DMBT1: variants seen among roughly 807,000 people sequenced by gnomAD.
DMBT1 encodes the protein scavenger receptor cysteine-rich domain-containing protein DMBT1.
Under a neutral mutation model 252.9 loss-of-function variants are expected in DMBT1, and 198 were observed. The observed-to-expected ratio is 0.78, with a 90% CI of 0.70 to 0.88. DMBT1 has a LOEUF of 0.88. Ranked by LOEUF, DMBT1 falls within the 40% of genes least tolerant of loss-of-function variation. The probability of loss-of-function intolerance (pLI) is 0.00; values close to 1 mark genes in which losing one functional copy is unlikely to be tolerated. For synonymous variants in DMBT1, 990 were observed against 942.7 expected (o/e 1.05, Z -0.92); for missense variants, 2,432 against 2,404.7 (o/e 1.01, Z -0.24).
chr10:122,579,534 C>A, intron 9 of DMBT1, 44 bp from the exon 10 acceptor site: 4 of 1,611,878 alleles, frequency 2.5e-6, no homozygotes, highest in Non-Finnish European at 3.4e-6. Context: ...AGATTCTTGA[C>A]CTCATGATAG....
At chr10:122,598,648 C>A in intron 25 of DMBT1, 126 bp from the exon 26 acceptor site, 7 of 1,543,290 alleles carry the variant, frequency 4.5e-6, no homozygotes, top group Non-Finnish European at 5.2e-6. Context: ...TGATTTTATT[C>A]ATATTCAAAG....
chr10:122,633,209 G>T lies in DMBT1; in HGVS notation c.6416G>T (p.Gly2139Val). ...TRPNTDYSCGGFLSQPSGDFS... is the reference protein window; with the variant it reads ...TRPNTDYSCGVFLSQPSGDFS... ...CTGACAGCAGATTATTCCTGCGGAGGCTTCCTATCCCAACCATCAGGGGAC... is the reference window on the plus strand; with the variant it reads ...CTGACAGCAGATTATTCCTGCGGAGTCTTCCTATCCCAACCATCAGGGGAC... The change falls in exon 52 of 56, where the codon GGC (glycine) becomes GTC (valine). Residue 2139 changes from glycine (G) to valine (V), a missense_variant. Transcript: ENST00000338354. 1 of 1,613,982 alleles carries T rather than the reference G, an allele frequency of 6.2e-7. No individual in the cohort carries two copies. The highest frequency in any genetic ancestry group is 8.5e-7 in the Non-Finnish European group (1 of 1,179,878).
chr10:122,618,003 G>T lies in DMBT1; in HGVS notation c.4892-14G>T, dbSNP rs2133626953. 6.2e-7 allele frequency: 1 copy of T among 1,612,122 alleles called. No homozygotes were observed. The highest frequency in any genetic ancestry group is 8.5e-7 in the Non-Finnish European group (1 of 1,179,702). On this transcript the variant is annotated splice_polypyrimidine_tract_variant and intron_variant, in intron 40 of 55. Transcript: ENST00000338354. ...TGGTGGGGATGGATGAAGGGTTCTT[G>T]TGTTCCCCTGTAGGATCTGAATCCA...
intron 1 of DMBT1, among the ~76,000 whole-genome samples, chr10:122,561,569 C>CCTCTCT (rs111541582): frequency 1.4e-4 from 13 of 90,338 alleles, no homozygotes; most frequent in East Asian, 8.0e-4. Flanking sequence ...TGTCTCTCTG[C>CCTCTCT]CTCTCTCTCT....
At chr10:122,593,173 G>T (rs989145893) in intron 20 of DMBT1, among the ~76,000 whole-genome samples, 5 of 148,902 alleles carry the variant, frequency 3.4e-5, no homozygotes, top group Admixed American at 2.0e-4. Context: ...CTGGTGTGGG[G>T]AGGGCAGCCC....
chr10:122,601,073 T>A, intron 28 of DMBT1, 50 bp downstream of exon 28: 1 of 708,578 alleles, frequency 1.4e-6, no homozygotes, highest in Non-Finnish European at 2.3e-6. Context: ...CTGGACATAT[T>A]TTGTGTTTGA....
Position 122,618,255 on chromosome 10 carries a change from C to T in DMBT1, c.5130C>T (p.His1710=), listed in dbSNP as rs200418093. Residue 1710 remains histidine, a synonymous_variant, in exon 41 of 56, where the codon CAC becomes CAT. Transcript: ENST00000338354. ...TGGATGATGTGCGCTGCTCAGGACACGAGTCTTACCTGTGGAGCTGCCCCC... is the reference window on the plus strand; with the variant it reads ...TGGATGATGTGCGCTGCTCAGGACATGAGTCTTACCTGTGGAGCTGCCCCC... ...IVLDDVRCSG[H]ESYLWSCPHN... The T allele has an allele frequency of 8.2e-5, 133 of 1,613,668 alleles. 2 individuals are homozygous for T. The Middle Eastern group carries it at 1.5e-3, about 18-fold the overall frequency.
intron 40 of DMBT1, 38 bp downstream of exon 40, chr10:122,617,298 C>T (rs745628917): frequency 1.3e-6 from 2 of 1,598,606 alleles, no homozygotes; most frequent in East Asian, 2.3e-5. Flanking sequence ...GGCTCACTAT[C>T]TCTGGACATA....
At chr10:122,590,754 T>C in intron 18 of DMBT1, 60 bp downstream of exon 18, 1 of 1,559,172 alleles carries the variant, frequency 6.4e-7, no homozygotes, top group Non-Finnish European at 8.8e-7. Context: ...TTATCCTTTT[T>C]CCCATTCCAC....
chr10:122,567,394 C>T (rs74315684), intron 2 of DMBT1, among the ~76,000 whole-genome samples: 2,210 of 152,294 alleles, frequency 0.015, 74 homozygotes, highest in East Asian at 0.13. Context: ...CAGGCATCTC[C>T]ATGGATTATG....
intron 19 of DMBT1, 28 bp from the exon 20 acceptor site, chr10:122,592,244 G>C: frequency 6.3e-7 from 1 of 1,583,698 alleles, no homozygotes; most frequent in Non-Finnish European, 8.6e-7. Flanking sequence ...GGTAGGGATG[G>C]ATAAAGGGTT....
intron 1 of DMBT1, among the ~76,000 whole-genome samples, chr10:122,563,466 A>G (rs1314563043): frequency 6.6e-6 from 1 of 152,102 alleles, no homozygotes; most frequent in Admixed American, 6.5e-5. Context: ...GAGTAAACTT[A>G]GTAGGAAGGT....
At chr10:122,617,829 CCAGG>C (rs2133626244) in intron 40 of DMBT1, among the ~76,000 whole-genome samples, 184 bp from the exon 41 acceptor site, 1 of 151,658 alleles carries the variant, frequency 6.6e-6, no homozygotes, top group Non-Finnish European at 1.5e-5. Context: ...CTCCATAAAC[CCAGG>C]CAGCATAGTG....
chr10:122,626,362 CCCT>C (rs982335361), intron 46 of DMBT1, among the ~76,000 whole-genome samples: 3 of 152,228 alleles, frequency 2.0e-5, no homozygotes, highest in Admixed American at 1.3e-4. Flanking sequence ...CATTTTAAGT[CCCT>C]GTATTGTATT....
chr10:122,586,513 T>A, intron 16 of DMBT1, 130 bp downstream of exon 16: 1 of 1,399,276 alleles, frequency 7.1e-7, no homozygotes, highest in Non-Finnish European at 9.5e-7. Context: ...CTTAGCTCTC[T>A]CCTAGGAAAC....
chr10:122,622,872 C>G (rs2098083933), intron 44 of DMBT1, among the ~76,000 whole-genome samples: 1 of 152,198 alleles, frequency 6.6e-6, no homozygotes, highest in Non-Finnish European at 1.5e-5. Context: ...ATAGCCATCC[C>G]TCAGTTGGAC....
intron 48 of DMBT1, 96 bp downstream of exon 48, chr10:122,630,586 C>T (rs2098155045): frequency 3.1e-6 from 4 of 1,286,914 alleles, no homozygotes; most frequent in African/African-American, 1.5e-5. Flanking sequence ...CAAAGAAGGG[C>T]CTCAGCGATG....
chr10:122,574,702 G>A (rs969911928), intron 6 of DMBT1, among the ~76,000 whole-genome samples: 1 of 152,156 alleles, frequency 6.6e-6, no homozygotes, highest in East Asian at 1.9e-4. Flanking sequence ...TTCCTCTTGA[G>A]TGGTTTCCCC....
At chr10:122,569,941 G>T (rs981674652) in intron 2 of DMBT1, among the ~76,000 whole-genome samples, 1 of 152,162 alleles carries the variant, frequency 6.6e-6, no homozygotes, top group African/African-American at 2.4e-5. Flanking sequence ...AGCAGAGGAG[G>T]TGTGGGGAGG....
Sources: gnomAD v4.1 joint callset for allele counts (sites outside exome capture counted in the v4.1 genomes callset) on GRCh38, gnomAD v4.1.1 for gene constraint, MANE v1.5 for transcripts, NCBI Gene and HGNC (gene_info 2026-07-23, HGNC 2026-07-21) for gene names.